Variants in TULP3 observed in about 807,000 individuals in gnomAD.
The protein encoded by TULP3 is TUB like protein 3, also known as tubby-related protein 3.
In TULP3, 38 loss-of-function variants were observed where a neutral mutation model predicts 50.7. That is an observed-to-expected ratio of 0.75 (90% CI 0.58 to 0.98). TULP3 has a LOEUF of 0.98. Among genes scored for constraint, TULP3 ranks in the 50% least tolerant of loss-of-function variants. The pLI, the probability that TULP3 is intolerant of heterozygous loss-of-function variation, is 0.00. For synonymous variants in TULP3, 183 were observed against 196.6 expected (o/e 0.93, Z 0.58); for missense variants, 550 against 568.0 (o/e 0.97, Z 0.32).
At chr12:2,904,495 G>T (rs2153948378) in intron 1 of TULP3, among the ~76,000 whole-genome samples, 1 of 152,234 alleles carries the variant, frequency 6.6e-6, no homozygotes, top group African/African-American at 2.4e-5. Context: ...ATGGCACCAT[G>T]CCCAGCAGGT....
intron 3 of TULP3, 118 bp from the exon 4 acceptor site, chr12:2,922,144 A>G (rs2098192142): frequency 2.4e-6 from 3 of 1,232,452 alleles, no homozygotes; most frequent in Admixed American, 2.4e-5. Context: ...GATGTTAAGA[A>G]AGGAGGGCAG....
intron 2 of TULP3, among the ~76,000 whole-genome samples, chr12:2,916,309 A>C (rs956746914): frequency 3.3e-5 from 5 of 152,208 alleles, no homozygotes; most frequent in Non-Finnish European, 7.4e-5. Flanking sequence ...TCAGAGCTTT[A>C]TTATTTTATT....
At chr12:2,914,484 T>C (rs937655769) in intron 2 of TULP3, among the ~76,000 whole-genome samples, 1 of 152,236 alleles carries the variant, frequency 6.6e-6, no homozygotes, top group Admixed American at 6.5e-5. Flanking sequence ...ACATATTTCT[T>C]CTGTCTAACT....
intron 4 of TULP3, 130 bp from the exon 5 acceptor site, chr12:2,930,118 G>T: frequency 4.7e-6 from 3 of 639,402 alleles, no homozygotes; most frequent in Admixed American, 3.1e-5. Flanking sequence ...TTATGTATTT[G>T]GACAAAATAG....
intron 4 of TULP3, among the ~76,000 whole-genome samples, chr12:2,927,111 T>C (rs972560500): frequency 6.6e-6 from 1 of 151,286 alleles, no homozygotes; most frequent in Non-Finnish European, 1.5e-5. Context: ...ACATTTCATA[T>C]TGATAGAATC....
At chr12:2,894,646 A>G (rs1225741872) in intron 1 of TULP3, among the ~76,000 whole-genome samples, 3 of 152,080 alleles carry the variant, frequency 2.0e-5, no homozygotes, top group East Asian at 3.9e-4. Flanking sequence ...CTGTAATCCC[A>G]GCACTTTGGG....
rs768256239 is a variant in TULP3, at chr12:2,934,468, G to A, written c.831G>A (p.Lys277=). 1.9e-6 allele frequency: 3 copies of A among 1,597,006 alleles called. No homozygotes were observed. Among genetic ancestry groups the A allele is most frequent in the Non-Finnish European group, 1.7e-6 (2 of 1,172,522 alleles). Residue 277 remains lysine (K), a synonymous_variant, in exon 8 of 11, where the codon AAG becomes AAA. Transcript: ENST00000448120. ...CCAGATCCAACCTCATGGGGACCAA[G>A]TTTACAGTTTATGACCGTGGCATCT... is the stretch of plus-strand genomic sequence containing the variant. ...GKLRSNLMGT[K]FTVYDRGICP... is the part of the protein sequence containing the mutation.
chr12:2,892,427 A>G (rs2098172694), intron 1 of TULP3, among the ~76,000 whole-genome samples: 1 of 150,782 alleles, frequency 6.6e-6, no homozygotes, highest in Non-Finnish European at 1.5e-5. Context: ...TTTCATGAGT[A>G]CCAGATGTTT....
chr12:2,896,204 T>C (rs146929974), intron 1 of TULP3, among the ~76,000 whole-genome samples: 196 of 152,286 alleles, frequency 1.3e-3, no homozygotes, highest in South Asian at 4.3e-3. Flanking sequence ...CCTCCCAAAG[T>C]GCTGGGATTA....
rs1259476520 is a variant in TULP3, at chr12:2,940,656, A to C, written c.*1212A>C. The C allele has an allele frequency of 1.3e-6, 2 of 1,551,592 alleles. No individual in the cohort carries two copies. The highest frequency in any genetic ancestry group is 1.7e-6 in the Non-Finnish European group (2 of 1,146,994). On this transcript the variant is annotated 3_prime_UTR_variant, in exon 11 of 11. Transcript: ENST00000448120. ...GGACACCCGTGGCGGCTGCTCCCTC[A>C]GACCTCCCTTCTGTGGACTGACCTC...
intron 2 of TULP3, among the ~76,000 whole-genome samples, chr12:2,914,524 G>A (rs527924260): frequency 2.0e-5 from 3 of 152,146 alleles, no homozygotes; most frequent in South Asian, 2.1e-4. Flanking sequence ...TGTGTATAGC[G>A]TGAAACAGAG....
At chr12:2,891,493 C>T (rs989515030) in intron 1 of TULP3, among the ~76,000 whole-genome samples, 2 of 152,190 alleles carry the variant, frequency 1.3e-5, no homozygotes, top group African/African-American at 4.8e-5. Context: ...TTCCTCTCTG[C>T]TTTCCAGTGT....
intron 1 of TULP3, among the ~76,000 whole-genome samples, chr12:2,896,572 A>G (rs1451649761): frequency 6.6e-6 from 1 of 152,212 alleles, no homozygotes; most frequent in Admixed American, 6.5e-5. Flanking sequence ...CTATAGTTGT[A>G]AGTTTAAAAT....
At chr12:2,899,755 T>C (rs2098177866) in intron 1 of TULP3, among the ~76,000 whole-genome samples, 1 of 151,604 alleles carries the variant, frequency 6.6e-6, no homozygotes, top group Non-Finnish European at 1.5e-5. Flanking sequence ...TAGCCGGGTG[T>C]GGTGGCAGGT....
rs771074689 is a variant in TULP3, at chr12:2,937,200, ATTTTTTTTTTTTTTTTT to A, written c.925-416_925-400del. On this transcript the variant is annotated intron_variant, in intron 8 of 10. Coordinates refer to ENST00000448120, the MANE Select transcript of TULP3 (RefSeq NM_003324.5). ...AATAAAATTATTTTTGGTACACCTG[ATTTTTTTTTTTTTTTTT>A]TTTTTTTTTTTTTTCTGAGGCAGAG... Among the ~76,000 whole-genome samples, 83 of 54,472 alleles carry A rather than the reference ATTTTTTTTTTTTTTTTT, an allele frequency of 1.5e-3. 2 individuals carry two copies. In the East Asian group the frequency reaches 0.036, roughly 23 times the overall value. 35.7% of individuals were successfully genotyped at this position (54,472 alleles called of 152,430 possible). A position where few individuals can be genotyped will look rare whatever the true frequency, so the allele number is the denominator to read the frequency against.
chr12:2,910,224 C>T lies in TULP3; in HGVS notation c.93+644C>T, dbSNP rs540458325. Reference sequence around the variant, plus strand: ...AGGAGAATGGCGTGAACCCAGGAGGCGGAGCTTGCAGTGAGGCGGAGCTTG... The same window carrying T: ...AGGAGAATGGCGTGAACCCAGGAGGTGGAGCTTGCAGTGAGGCGGAGCTTG... On this transcript the variant is annotated intron_variant, in intron 2 of 10. Coordinates refer to ENST00000448120, the MANE Select transcript of TULP3 (RefSeq NM_003324.5). 5.9e-5 allele frequency among the ~76,000 whole-genome samples: 9 copies of T among 151,986 alleles called. No homozygotes were observed. The East Asian group carries it at 1.4e-3, about 23-fold the overall frequency.
intron 1 of TULP3, among the ~76,000 whole-genome samples, chr12:2,892,432 A>T (rs2098172699): frequency 6.8e-6 from 1 of 148,050 alleles, no homozygotes; most frequent in Admixed American, 6.8e-5. Context: ...TGAGTACCAG[A>T]TGTTTGATAT....
chr12:2,914,125 C>CTTT (rs71057862), intron 2 of TULP3, among the ~76,000 whole-genome samples: 51,104 of 130,278 alleles, frequency 0.39, 10,403 homozygotes, highest in East Asian at 0.51. Context: ...ATAAATAATT[C>CTTT]TTTTTTTTTT....
At chr12:2,917,948 G>T (rs1338788982) in intron 2 of TULP3, among the ~76,000 whole-genome samples, 1 of 151,730 alleles carries the variant, frequency 6.6e-6, no homozygotes, top group Non-Finnish European at 1.5e-5. Flanking sequence ...AATTAGCTGG[G>T]TGTGGTGGCA....
Sources: gnomAD v4.1 joint callset for allele counts (sites outside exome capture counted in the v4.1 genomes callset) on GRCh38, gnomAD v4.1.1 for gene constraint, MANE v1.5 for transcripts, NCBI Gene and HGNC (gene_info 2026-07-23, HGNC 2026-07-21) for gene names.